Variants in PNPLA3 observed in about 807,000 individuals in gnomAD.
The protein encoded by PNPLA3 is patatin like domain 3, 1-acylglycerol-3-phosphate O-acyltransferase, also known as 1-acylglycerol-3-phosphate O-acyltransferase PNPLA3.
A neutral mutation model predicts 43.1 loss-of-function variants in PNPLA3; 42 were observed. The ratio of observed to expected loss-of-function variants is 0.97; its 90% CI spans 0.76 to 1.26. The LOEUF (loss-of-function observed/expected upper bound fraction) is 1.26. PNPLA3 is among the 50% of genes most tolerant of loss of function. PNPLA3 has a pLI of 0.00. For synonymous variants in PNPLA3, 272 were observed against 253.6 expected (o/e 1.07, Z -0.69); for missense variants, 647 against 621.4 (o/e 1.04, Z -0.44).
Position 43,944,733 on chromosome 22 carries a change from G to T in PNPLA3, c.1155G>T (p.Trp385Cys), listed in dbSNP as rs143495884. Residue 385 changes from tryptophan (W) to cysteine (C), a missense_variant, in exon 8 of 9, where the codon TGG becomes TGT. Physicochemically the swap from Trp to Cys is radical, Grantham distance 215 (BLOSUM62 -2). Coordinates refer to ENST00000216180, the MANE Select transcript of PNPLA3 (RefSeq NM_025225.3). Reference protein sequence around the residue: ...WLPDMPDDVLWLQWVTSQVFT... With the variant: ...WLPDMPDDVLCLQWVTSQVFT... Reference sequence around the variant, plus strand: ...CAGATATGCCCGACGATGTCCTGTGGTTGCAGTGGGTGACCTCACAGGTGT... The same window carrying T: ...CAGATATGCCCGACGATGTCCTGTGTTTGCAGTGGGTGACCTCACAGGTGT... 3.1e-5 allele frequency: 50 copies of T among 1,614,094 alleles called. No individual in the cohort carries two copies. Among genetic ancestry groups the T allele is most frequent in the Non-Finnish European group, 4.2e-5 (49 of 1,180,060 alleles).
rs6006461 is a variant in PNPLA3 at position 43,946,433 on chromosome 22, C to G, written c.*51C>G. 13 of 1,549,064 alleles carry G rather than the reference C, an allele frequency of 8.4e-6. No individual in the cohort carries two copies. In the East Asian group the frequency reaches 2.9e-4, roughly 35 times the overall value. ...GATTCTTTCAGAGGTGCTAAAGTTT[C>G]CCATCTTTGTGCAGCTACCTCCGCA... is the stretch of plus-strand genomic sequence containing the variant. On this transcript the variant is annotated 3_prime_UTR_variant, in exon 9 of 9. Transcript: ENST00000216180.
At position 43,923,974 on chromosome 22, in the gene PNPLA3, C is replaced by G; in HGVS notation, c.63C>G (p.Tyr21Ter). Residue 21 changes from tyrosine (Y) to a stop codon, truncating the protein, a stop_gained, in exon 1 of 9, where the codon TAC (tyrosine) becomes TAG (stop). Transcript: ENST00000216180. LOFTEE classifies it high-confidence loss of function. ...CGGGCTGCGGCTTCCTGGGCTTCTA[C>G]CACGTCGGGGCGACCCGCTGCCTGA... ...SFAGCGFLGF[Y>*]HVGATRCLSE... 1 of 1,583,946 alleles carries G rather than the reference C, an allele frequency of 6.3e-7. No homozygotes were observed. The highest frequency in any genetic ancestry group is 8.5e-7 in the Non-Finnish European group (1 of 1,173,000).
intron 7 of PNPLA3, among the ~76,000 whole-genome samples, chr22:43,942,812 C>T: frequency 6.6e-6 from 1 of 150,832 alleles, no homozygotes; most frequent in Non-Finnish European, 1.5e-5. Context: ...AAGTGATCCT[C>T]CCACCTCAAC....
rs3083286 is a variant in PNPLA3, at chr22:43,934,316, TAAAAAAAA to T, written c.697-277_697-270del. Reference sequence around the variant, plus strand: ...TGGGCAACAGAGCAAGACTCTGCCTTAAAAAAAAAAAAAAAAAAAAGAAAAGTAAAAGG... The same window carrying T: ...TGGGCAACAGAGCAAGACTCTGCCTTAAAAAAAAAAAAGAAAAGTAAAAGG... On this transcript the variant is annotated intron_variant, in intron 4 of 8. Transcript: ENST00000216180. 7.6e-5 allele frequency among the ~76,000 whole-genome samples: 9 copies of T among 118,072 alleles called. 1 individual carries two copies. The highest frequency in any genetic ancestry group is 2.0e-4 in the African/African-American group (6 of 29,416). The allele number at this position is 118,072 out of a possible 152,430, so 77.5% of individuals were successfully genotyped here.
chr22:43,931,741 C>T (rs2049963022), intron 3 of PNPLA3, among the ~76,000 whole-genome samples: 1 of 152,208 alleles, frequency 6.6e-6, no homozygotes, highest in Non-Finnish European at 1.5e-5. Flanking sequence ...GTCTCGAACT[C>T]CTGGCCTCAA....
chr22:43,924,197 G>A, intron 1 of PNPLA3, 99 bp downstream of exon 1: 1 of 1,295,188 alleles, frequency 7.7e-7, no homozygotes, highest in Non-Finnish European at 1.0e-6. Flanking sequence ...CTGGAGGAGC[G>A]GGCATCGGAC....
Position 43,946,212 on chromosome 22 carries a change from C to T in PNPLA3, c.1276C>T (p.Pro426Ser), listed in dbSNP as rs769739852. The change falls in exon 9 of 9, where the codon CCC becomes TCC. Residue 426 changes from proline to serine, a missense_variant. Pro to Ser is a moderately conservative substitution (Grantham distance 74). Transcript: ENST00000216180. ...CCCATGCACACCTGAGCAGGACTGGCCCTGCTGGACTCCCTGCTCCCCCAA... is the reference window on the plus strand; with the variant it reads ...CCCATGCACACCTGAGCAGGACTGGTCCTGCTGGACTCCCTGCTCCCCCAA... ...ASPCTPEQDW[P>S]CWTPCSPKGC... 9.9e-6 allele frequency: 16 copies of T among 1,614,174 alleles called. No individual in the cohort carries two copies. The highest frequency in any genetic ancestry group is 1.3e-5 in the Non-Finnish European group (15 of 1,180,034).
chr22:43,946,786 A>C lies in PNPLA3; in HGVS notation c.*404A>C. 1 of 520,656 alleles carries C rather than the reference A, an allele frequency of 1.9e-6. No homozygotes were observed. The allele number at this position is 520,656 out of a possible 1,614,324, so 32.3% of individuals were successfully genotyped here. ...GATCTTGTGGGGTGGAGGGAAGAGAATAGCATGATCCCACTTCCCCATGCT... is the reference window on the plus strand; with the variant it reads ...GATCTTGTGGGGTGGAGGGAAGAGACTAGCATGATCCCACTTCCCCATGCT... On this transcript the variant is annotated 3_prime_UTR_variant, in exon 9 of 9. Transcript: ENST00000216180.
In PNPLA3 at chr22:43,946,238, G is replaced by A. The variant is rs145821885; in HGVS notation, c.1302G>A (p.Lys434=). The change falls in exon 9 of 9, where the codon AAG becomes AAA. Residue 434 remains lysine (K), a synonymous_variant. Coordinates refer to ENST00000216180, the MANE Select transcript of PNPLA3 (RefSeq NM_025225.3). ...CCTGCTGGACTCCCTGCTCCCCCAA[G>A]GGCTGTCCAGCAGAGACCAAAGCAG... ...DWPCWTPCSP[K]GCPAETKAEA... 1 of 1,614,162 alleles carries A rather than the reference G, an allele frequency of 6.2e-7. No individual in the cohort carries two copies. The highest frequency in any genetic ancestry group is 1.3e-5 in the African/African-American group (1 of 75,024).
At chr22:43,934,720 G>A (rs1291252880) in intron 5 of PNPLA3, 54 bp downstream of exon 5, 10 of 1,530,038 alleles carry the variant, frequency 6.5e-6, no homozygotes, top group African/African-American at 1.4e-5. Flanking sequence ...ATTTACTAGC[G>A]GTCTTGGTAA....
At chr22:43,931,594 C>T (rs755938270) in intron 3 of PNPLA3, among the ~76,000 whole-genome samples, 1 of 152,138 alleles carries the variant, frequency 6.6e-6, no homozygotes, top group Non-Finnish European at 1.5e-5. Flanking sequence ...CAGCTCACTG[C>T]AACCCTCGGC....
intron 8 of PNPLA3, among the ~76,000 whole-genome samples, chr22:43,945,440 C>T (rs141702134): frequency 1.3e-5 from 2 of 152,150 alleles, no homozygotes; most frequent in Non-Finnish European, 2.9e-5. Context: ...AAATCATAGG[C>T]CTTGGTTTCC....
intron 2 of PNPLA3, 80 bp from the exon 3 acceptor site, chr22:43,928,744 A>T (rs1053883679): frequency 1.6e-4 from 213 of 1,345,208 alleles, no homozygotes; most frequent in Non-Finnish European, 1.9e-4. Flanking sequence ...TGCCCTGCTC[A>T]CTTGGAGAAA....
Position 43,932,866 on chromosome 22 carries a change from C to T in PNPLA3, c.487-12C>T. On this transcript the variant is annotated splice_polypyrimidine_tract_variant and intron_variant, in intron 3 of 8. Transcript: ENST00000216180. ...TCAGACAGTGCCAGTCCTTTTTCCC[C>T]TTCTTTAAAAGCGATATGTGGATGG... The T allele has an allele frequency of 6.2e-7, 1 of 1,611,858 alleles. No homozygotes were observed.
intron 1 of PNPLA3, among the ~76,000 whole-genome samples, chr22:43,926,668 A>G (rs1423971674): frequency 1.3e-5 from 2 of 151,750 alleles, no homozygotes; most frequent in African/African-American, 2.4e-5. Context: ...TATATCCAAA[A>G]TAATATCATT....
At chr22:43,941,289 T>C (rs376160525) in intron 7 of PNPLA3, among the ~76,000 whole-genome samples, 1 of 99,842 alleles carries the variant, frequency 1.0e-5, no homozygotes, top group Non-Finnish European at 2.2e-5. Flanking sequence ...AACTTCTTGA[T>C]TGGGCTTCCT....
At chr22:43,929,560 G>A (rs2049948121) in intron 3 of PNPLA3, among the ~76,000 whole-genome samples, 1 of 150,226 alleles carries the variant, frequency 6.7e-6, no homozygotes, top group South Asian at 2.1e-4. Context: ...TACTCTTAGG[G>A]GGAACTATAA....
At chr22:43,944,507 A>T (rs1448224471) in intron 7 of PNPLA3, among the ~76,000 whole-genome samples, 184 bp from the exon 8 acceptor site, 1 of 151,978 alleles carries the variant, frequency 6.6e-6, no homozygotes, top group African/African-American at 2.4e-5. Flanking sequence ...CTTGAACCAG[A>T]AGTGGGCTCA....
rs1249297245 is a variant in PNPLA3, at chr22:43,937,041, C to A, written c.758-10C>A. On this transcript the variant is annotated splice_polypyrimidine_tract_variant and intron_variant, in intron 5 of 8. Coordinates refer to ENST00000216180, the MANE Select transcript of PNPLA3 (RefSeq NM_025225.3). ...TCGCCTGATGGGCTTGTTTTCCGTGCCCTTCACAGGCATCTGCAACAGGCC... is the reference window on the plus strand; with the variant it reads ...TCGCCTGATGGGCTTGTTTTCCGTGACCTTCACAGGCATCTGCAACAGGCC... 1.2e-6 allele frequency: 2 copies of A among 1,609,362 alleles called. No homozygotes were observed. Among genetic ancestry groups the A allele is most frequent in the East Asian group, 4.5e-5 (2 of 44,822 alleles).
Sources: gnomAD v4.1 joint callset for allele counts (sites outside exome capture counted in the v4.1 genomes callset) on GRCh38, gnomAD v4.1.1 for gene constraint, MANE v1.5 for transcripts, NCBI Gene and HGNC (gene_info 2026-07-23, HGNC 2026-07-21) for gene names.